Variants in RASSF3 observed in about 807,000 individuals in gnomAD.
RASSF3 encodes ras association domain-containing protein 3.
RASSF3 carries 19 observed loss-of-function variants against 19.9 expected under a neutral mutation model. That is an observed-to-expected ratio of 0.96 (90% CI 0.67 to 1.40). RASSF3 has a LOEUF of 1.40. Ranked by LOEUF, RASSF3 falls within the 40% of genes most tolerant of loss-of-function variation. The pLI, the probability that RASSF3 is intolerant of heterozygous loss-of-function variation, is 0.00. For missense variants in RASSF3, 306 were observed against 289.8 expected (o/e 1.06, Z -0.41); for synonymous variants, 110 against 104.2 (o/e 1.06, Z -0.34).
chr12:64,637,466 C>T (rs1158393532), intron 1 of RASSF3, among the ~76,000 whole-genome samples: 1 of 150,552 alleles, frequency 6.6e-6, no homozygotes, highest in African/African-American at 2.4e-5. Flanking sequence ...CTCTGTTGCC[C>T]AGGCCCAGGC....
intron 1 of RASSF3, among the ~76,000 whole-genome samples, chr12:64,630,904 A>G (rs1871148789): frequency 6.6e-6 from 1 of 152,172 alleles, no homozygotes; most frequent in Non-Finnish European, 1.5e-5. Context: ...GGCAATCAAT[A>G]TATGGCATAC....
chr12:64,650,581 A>G (rs980307937), intron 1 of RASSF3, among the ~76,000 whole-genome samples: 5 of 151,610 alleles, frequency 3.3e-5, no homozygotes, highest in Admixed American at 2.0e-4. Context: ...ACACCCAGCT[A>G]ATTTTTTGTA....
chr12:64,587,479 T>C (rs1565844202), intron 2 of RASSF3, among the ~76,000 whole-genome samples: 3 of 152,216 alleles, frequency 2.0e-5, no homozygotes, highest in Admixed American at 6.5e-5. Context: ...GGCTGTTTCA[T>C]CTACAAGACT....
At chr12:64,591,677 G>A (rs557464796) in intron 2 of RASSF3, among the ~76,000 whole-genome samples, 79 of 151,986 alleles carry the variant, frequency 5.2e-4, no homozygotes, top group African/African-American at 1.7e-3. Context: ...TTTTGTGTGC[G>A]TGCCTCTAAA....
At chr12:64,511,265 A>G (rs1227695231) in intron 1 of RASSF3, among the ~76,000 whole-genome samples, 1 of 152,156 alleles carries the variant, frequency 6.6e-6, no homozygotes, top group Admixed American at 6.5e-5. Context: ...TACCAAATGC[A>G]TACATGCTCT....
chr12:64,636,723 G>A lies in RASSF3; in HGVS notation c.111+25980G>A, dbSNP rs183037225. 1.2e-4 allele frequency among the ~76,000 whole-genome samples: 18 copies of A among 152,014 alleles called. No homozygotes were observed. The East Asian group carries it at 3.5e-3, about 30-fold the overall frequency. ...CTCTACTAAAAATACAAAATTAGCC[G>A]GGCATGGTGGTGCATGCCTGTAATC... On this transcript the variant is annotated intron_variant, in intron 1 of 4. Coordinates refer to ENST00000542104, the MANE Select transcript of RASSF3 (RefSeq NM_178169.4).
chr12:64,592,118 C>A (rs917451866), intron 2 of RASSF3, among the ~76,000 whole-genome samples: 3 of 152,182 alleles, frequency 2.0e-5, no homozygotes, highest in Admixed American at 2.0e-4. Context: ...CCAGGCTGGT[C>A]TTGAACTCCT....
chr12:64,639,074 G>T (rs73319695), intron 1 of RASSF3, among the ~76,000 whole-genome samples: 1 of 152,170 alleles, frequency 6.6e-6, no homozygotes, highest in African/African-American at 2.4e-5. Flanking sequence ...ACTGCCATAC[G>T]CAGATTCTTC....
At chr12:64,539,372 T>C (rs1037336255) in intron 1 of RASSF3, among the ~76,000 whole-genome samples, 1 of 152,118 alleles carries the variant, frequency 6.6e-6, no homozygotes, top group African/African-American at 2.4e-5. Flanking sequence ...TCAAATACTA[T>C]CAACGCATGA....
At chr12:64,549,665 G>A (rs1305790246) in intron 2 of RASSF3, among the ~76,000 whole-genome samples, 2 of 152,160 alleles carry the variant, frequency 1.3e-5, no homozygotes, top group Non-Finnish European at 2.9e-5. Flanking sequence ...CCTGTGGGGG[G>A]TGTTGACATG....
At chr12:64,577,173 C>G (rs539663278) in intron 2 of RASSF3, among the ~76,000 whole-genome samples, 1 of 152,158 alleles carries the variant, frequency 6.6e-6, no homozygotes, top group African/African-American at 2.4e-5. Flanking sequence ...CGCTACTCGG[C>G]TGAGTTTCTT....
At chr12:64,561,339 TTAAAA>T (rs1264511189) in intron 2 of RASSF3, among the ~76,000 whole-genome samples, 3 of 152,354 alleles carry the variant, frequency 2.0e-5, no homozygotes, top group African/African-American at 7.2e-5. Flanking sequence ...ACTTTAAAAT[TTAAAA>T]TAAACTTTCC....
intron 2 of RASSF3, among the ~76,000 whole-genome samples, chr12:64,584,295 G>A (rs17223200): frequency 0.053 from 8,064 of 152,166 alleles, 247 homozygotes; most frequent in Middle Eastern, 0.085. Context: ...AACAAACCTT[G>A]AACATTTAAT....
At chr12:64,589,310 T>C (rs1314154792) in intron 2 of RASSF3, among the ~76,000 whole-genome samples, 2 of 151,638 alleles carry the variant, frequency 1.3e-5, no homozygotes, top group African/African-American at 4.8e-5. Flanking sequence ...ATTAGCCGGG[T>C]GTGGTGGCAC....
chr12:64,576,868 A>AC (rs1869604525), intron 2 of RASSF3, among the ~76,000 whole-genome samples: 1 of 151,694 alleles, frequency 6.6e-6, no homozygotes, highest in African/African-American at 2.4e-5. Flanking sequence ...AAAAAAAAAA[A>AC]AACTTGATGA....
chr12:64,649,074 G>A (rs1871844382), intron 1 of RASSF3, among the ~76,000 whole-genome samples: 1 of 151,954 alleles, frequency 6.6e-6, no homozygotes, highest in Non-Finnish European at 1.5e-5. Context: ...CTCTCAGGGT[G>A]CTGGGATTAA....
At chr12:64,541,984 C>T (rs995899322), downstream of RASSF3, among the ~76,000 whole-genome samples, 2 of 152,210 alleles carry the variant, frequency 1.3e-5, no homozygotes, top group Admixed American at 6.5e-5. Context: ...TTACTTGCCA[C>T]ATTCAGGATG....
chr12:64,694,577 C>T (rs573835649), intron 4 of RASSF3, among the ~76,000 whole-genome samples, 186 bp from the exon 5 acceptor site: 8 of 152,110 alleles, frequency 5.3e-5, no homozygotes, highest in African/African-American at 1.9e-4. Flanking sequence ...TTGGTGTGAG[C>T]TGAGGTGGGA....
At chr12:64,595,384 T>A (rs1869984974) in intron 2 of RASSF3, among the ~76,000 whole-genome samples, 1 of 152,066 alleles carries the variant, frequency 6.6e-6, no homozygotes. Context: ...TAACAAATCT[T>A]ACAAAACAAC....
Sources: allele counts gnomAD v4.1 joint callset (sites outside exome capture counted in the v4.1 genomes callset), GRCh38; gene constraint gnomAD v4.1.1; transcripts MANE v1.5; gene names NCBI Gene and HGNC (gene_info 2026-07-23, HGNC 2026-07-21).